The following ASIC2 variants were observed in gnomAD, a reference collection of about 807,000 sequenced individuals.
ASIC2 encodes acid sensing ion channel subunit 2, also known as acid-sensing ion channel 2.
ASIC2 carries 25 observed loss-of-function variants against 57.3 expected under a neutral mutation model. The ratio of observed to expected loss-of-function variants is 0.44; its 90% CI spans 0.32 to 0.61. ASIC2 has a LOEUF of 0.61. ASIC2 is among the 20% of genes least tolerant of loss of function. The pLI, the probability that ASIC2 is intolerant of heterozygous loss-of-function variation, is 0.06. For missense variants in ASIC2, 641 were observed against 738.1 expected, an observed-to-expected ratio of 0.87 and a Z score of 1.52; for synonymous variants, 319 against 307.5, an observed-to-expected ratio of 1.04 and a Z score of -0.39.
At chr17:33,325,956 C>T (rs764908449) in intron 1 of ASIC2, among the ~76,000 whole-genome samples, 53 of 152,226 alleles carry the variant, frequency 3.5e-4, no homozygotes, top group Admixed American at 1.9e-3. Flanking sequence ...CAAGGAAAAG[C>T]TGATAGGTAG....
intron 1 of ASIC2, among the ~76,000 whole-genome samples, chr17:33,756,755 C>T (rs1258626461): frequency 2.0e-5 from 3 of 152,172 alleles, no homozygotes; most frequent in Admixed American, 1.3e-4. Flanking sequence ...CAAAGAGAGG[C>T]CCAGAAAGAT....
At chr17:33,623,240 TTTTTTG>T (rs199808408) in intron 1 of ASIC2, among the ~76,000 whole-genome samples, 54,517 of 144,260 alleles carry the variant, frequency 0.38, 10,242 homozygotes, top group East Asian at 0.49. Flanking sequence ...GATATCGTTT[TTTTTTG>T]TTTGTTTGTT....
chr17:33,870,233 T>G (rs1275879592), intron 1 of ASIC2, among the ~76,000 whole-genome samples: 8 of 132,440 alleles, frequency 6.0e-5, no homozygotes, highest in African/African-American at 2.3e-4. Context: ...TGTTTTTTTT[T>G]TTTTTTTTTT....
intron 1 of ASIC2, among the ~76,000 whole-genome samples, chr17:33,605,933 CT>C (rs1355570253): frequency 6.6e-6 from 1 of 152,252 alleles, no homozygotes; most frequent in East Asian, 1.9e-4. Context: ...CCAGCTCCCA[CT>C]TTCCTGGGGT....
chr17:33,835,081 C>T (rs889846198), intron 1 of ASIC2, among the ~76,000 whole-genome samples: 3 of 152,170 alleles, frequency 2.0e-5, no homozygotes, highest in African/African-American at 4.8e-5. Context: ...TCTCATGGAA[C>T]TTTCACATTG....
chr17:33,510,088 G>A (rs566752869), intron 1 of ASIC2, among the ~76,000 whole-genome samples: 2 of 152,298 alleles, frequency 1.3e-5, no homozygotes, highest in African/African-American at 4.8e-5. Flanking sequence ...CTGCATGTGA[G>A]TCTGGACTTT....
At chr17:33,171,134 G>C (rs1179849146) in intron 1 of ASIC2, among the ~76,000 whole-genome samples, 2 of 152,320 alleles carry the variant, frequency 1.3e-5, no homozygotes, top group East Asian at 1.9e-4. Flanking sequence ...GGGGTAGCAA[G>C]ATGGTACCGG....
At chr17:33,593,359 T>C (rs1437836818) in intron 1 of ASIC2, among the ~76,000 whole-genome samples, 1 of 142,386 alleles carries the variant, frequency 7.0e-6, no homozygotes, top group Non-Finnish European at 1.5e-5. Flanking sequence ...GGTCCCCTCA[T>C]TGGTAAAAAA....
intron 1 of ASIC2, among the ~76,000 whole-genome samples, chr17:34,120,691 A>T (rs1243238889): frequency 6.9e-6 from 1 of 145,042 alleles, no homozygotes; most frequent in Non-Finnish European, 1.5e-5. Context: ...GGAGTAAGGT[A>T]GGACCTTAAT....
intron 1 of ASIC2, chr17:34,036,743 T>C (rs1907903388): frequency 7.1e-6 from 1 of 141,012 alleles, no homozygotes; most frequent in Non-Finnish European, 1.5e-5. Flanking sequence ...AAATAGCACT[T>C]CAAATAAATT....
chr17:33,489,344 A>G (rs1037703278), intron 1 of ASIC2, among the ~76,000 whole-genome samples: 1 of 152,212 alleles, frequency 6.6e-6, no homozygotes, highest in African/African-American at 2.4e-5. Context: ...CAGGAACCTG[A>G]GGCTCAAAGA....
At chr17:33,142,705 T>C (rs1904369751) in intron 1 of ASIC2, among the ~76,000 whole-genome samples, 1 of 152,230 alleles carries the variant, frequency 6.6e-6, no homozygotes, top group African/African-American at 2.4e-5. Context: ...CCACACCCTC[T>C]ACTCAGGTAG....
chr17:33,750,472 G>C (rs188521804), intron 1 of ASIC2, among the ~76,000 whole-genome samples: 17 of 152,260 alleles, frequency 1.1e-4, no homozygotes, highest in Non-Finnish European at 2.1e-4. Flanking sequence ...TGCTCGCTAG[G>C]AACCTTTACA....
intron 1 of ASIC2, among the ~76,000 whole-genome samples, chr17:33,698,928 T>G (rs570337934): frequency 1.3e-5 from 2 of 152,256 alleles, no homozygotes; most frequent in South Asian, 4.2e-4. Context: ...CTCTGCTTTT[T>G]GAGCATCTCA....
At chr17:33,354,879 G>A (rs1206595157) in intron 1 of ASIC2, among the ~76,000 whole-genome samples, 2 of 152,064 alleles carry the variant, frequency 1.3e-5, no homozygotes, top group Non-Finnish European at 2.9e-5. Context: ...CCCCACACAT[G>A]TGCACCTATT....
intron 1 of ASIC2, among the ~76,000 whole-genome samples, chr17:33,127,241 C>G (rs957225227): frequency 6.6e-6 from 1 of 152,182 alleles, no homozygotes; most frequent in Non-Finnish European, 1.5e-5. Context: ...ACTCTCTCAA[C>G]GTCATGCAGC....
At chr17:33,678,864 C>T (rs1907910946) in intron 1 of ASIC2, among the ~76,000 whole-genome samples, 1 of 152,082 alleles carries the variant, frequency 6.6e-6, no homozygotes, top group African/African-American at 2.4e-5. Flanking sequence ...TTCACTACCA[C>T]CCTGGGAGAC....
At chr17:33,988,648 C>A (rs1275695952) in intron 1 of ASIC2, among the ~76,000 whole-genome samples, 1 of 151,940 alleles carries the variant, frequency 6.6e-6, no homozygotes, top group African/African-American at 2.4e-5. Flanking sequence ...GCCTTTCCTC[C>A]AGGGGCTGTA....
At chr17:33,875,630 T>C (rs1297910995) in intron 1 of ASIC2, among the ~76,000 whole-genome samples, 7 of 152,214 alleles carry the variant, frequency 4.6e-5, no homozygotes, top group Non-Finnish European at 1.0e-4. Flanking sequence ...GCTAGTCATT[T>C]TCTTGCTCCT....
Sources: gnomAD v4.1 joint callset for allele counts (sites outside exome capture counted in the v4.1 genomes callset) on GRCh38, gnomAD v4.1.1 for gene constraint, MANE v1.5 for transcripts, NCBI Gene and HGNC (gene_info 2026-07-23, HGNC 2026-07-21) for gene names.